Variants in PKNOX2 observed in about 807,000 individuals in gnomAD.
The protein encoded by PKNOX2 is homeobox protein PKNOX2.
PKNOX2 carries 14 observed loss-of-function variants against 53.1 expected under a neutral mutation model. The observed-to-expected ratio is 0.26, with a 90% CI of 0.17 to 0.41. PKNOX2 has a LOEUF of 0.41. PKNOX2 is among the 10% of genes least tolerant of loss of function. The pLI, the probability that PKNOX2 is intolerant of heterozygous loss-of-function variation, is 1.00. For synonymous variants in PKNOX2, 257 were observed against 242.8 expected, an observed-to-expected ratio of 1.06 and a Z score of -0.54; for missense variants, 496 against 602.8, an observed-to-expected ratio of 0.82 and a Z score of 1.85.
intron 1 of PKNOX2, among the ~76,000 whole-genome samples, chr11:125,189,511 G>A (rs1487169915): frequency 6.3e-5 from 8 of 126,454 alleles, no homozygotes; most frequent in African/African-American, 2.4e-4. Context: ...GGAGAGAGGG[G>A]TAGCCCTGCC....
chr11:125,279,439 C>T lies in PKNOX2; in HGVS notation c.-130+44324C>T, dbSNP rs943687065. ...GAGAAGTATTTTAATTCACTGGCCT[C>T]GCATGTCAGATGAGGAAAATGAGGC... On this transcript the variant is annotated intron_variant, in intron 2 of 12. Coordinates refer to ENST00000298282, the MANE Select transcript of PKNOX2 (RefSeq NM_001382323.2). Among the ~76,000 whole-genome samples the T allele has an allele frequency of 3.3e-5, 5 of 152,184 alleles. No homozygotes were observed. The East Asian group carries it at 9.6e-4, about 29-fold the overall frequency.
At position 125,193,203 on chromosome 11, in the gene PKNOX2, AG is replaced by A. The variant is rs1172644209; in HGVS notation, c.-201+28428del. 2.0e-5 allele frequency among the ~76,000 whole-genome samples: 3 copies of A among 152,232 alleles called. No individual in the cohort carries two copies. In the East Asian group the frequency reaches 5.8e-4, roughly 29 times the overall value. ...AAGCTTACAAGACCAGTTTTAGAAT[AG>A]CAATTACCAGTTCCAATATCCCCCA... On this transcript the variant is annotated intron_variant, in intron 1 of 12. Coordinates refer to ENST00000298282, the MANE Select transcript of PKNOX2 (RefSeq NM_001382323.2).
chr11:125,274,488 C>T (rs950363181), intron 2 of PKNOX2, among the ~76,000 whole-genome samples: 2 of 152,236 alleles, frequency 1.3e-5, no homozygotes, highest in Non-Finnish European at 2.9e-5. Flanking sequence ...GACAGCAACT[C>T]ATGAAACCGT....
chr11:125,226,661 T>C (rs1187505207), intron 1 of PKNOX2, among the ~76,000 whole-genome samples: 1 of 152,126 alleles, frequency 6.6e-6, no homozygotes, highest in East Asian at 1.9e-4. Flanking sequence ...TTAGATTTCC[T>C]GCTTATCGTT....
At chr11:125,233,720 T>C (rs1296955340) in intron 1 of PKNOX2, among the ~76,000 whole-genome samples, 1 of 152,158 alleles carries the variant, frequency 6.6e-6, no homozygotes, top group Non-Finnish European at 1.5e-5. Flanking sequence ...GAGAGAAAAT[T>C]TGGTTTCCTC....
intron 1 of PKNOX2, among the ~76,000 whole-genome samples, chr11:125,194,543 G>A (rs189520200): frequency 7.1e-4 from 107 of 151,508 alleles, no homozygotes; most frequent in Non-Finnish European, 1.0e-3. Context: ...TGGCCCTCCT[G>A]CCCCCGAGTT....
intron 5 of PKNOX2, among the ~76,000 whole-genome samples, chr11:125,383,445 TAAAA>T (rs551704955): frequency 1.4e-4 from 17 of 121,828 alleles, no homozygotes; most frequent in East Asian, 4.7e-4. Context: ...CCCTCTCTGC[TAAAA>T]AAAAAAAAAA....
intron 3 of PKNOX2, among the ~76,000 whole-genome samples, chr11:125,341,835 G>C (rs1356776014): frequency 6.6e-6 from 1 of 152,262 alleles, no homozygotes; most frequent in Non-Finnish European, 1.5e-5. Flanking sequence ...GCCGCGCCAC[G>C]TCCTCTCGCA....
intron 5 of PKNOX2, among the ~76,000 whole-genome samples, chr11:125,376,309 A>C (rs1028649286): frequency 7.2e-5 from 11 of 152,208 alleles, no homozygotes; most frequent in Non-Finnish European, 1.5e-4. Flanking sequence ...GGCAGGACTA[A>C]AAATACACCC....
chr11:125,293,113 A>G (rs1947412996), intron 2 of PKNOX2, among the ~76,000 whole-genome samples: 1 of 152,158 alleles, frequency 6.6e-6, no homozygotes, highest in Non-Finnish European at 1.5e-5. Context: ...GCAGACATAC[A>G]AATTATAACA....
At chr11:125,277,929 G>C (rs1946285465) in intron 2 of PKNOX2, among the ~76,000 whole-genome samples, 1 of 152,022 alleles carries the variant, frequency 6.6e-6, no homozygotes, top group Admixed American at 6.6e-5. Flanking sequence ...TTTTTTTAAA[G>C]AGACTAGCTG....
At chr11:125,245,788 G>A (rs1591494420) in intron 2 of PKNOX2, among the ~76,000 whole-genome samples, 1 of 152,182 alleles carries the variant, frequency 6.6e-6, no homozygotes, top group Non-Finnish European at 1.5e-5. Context: ...GACCTTAGTG[G>A]TTACTGAGTT....
intron 2 of PKNOX2, among the ~76,000 whole-genome samples, chr11:125,276,749 G>A (rs1439323283): frequency 1.3e-5 from 2 of 152,230 alleles, no homozygotes; most frequent in African/African-American, 4.8e-5. Context: ...ATTTTCTAGG[G>A]AAATGTGGTA....
At chr11:125,318,273 ATTT>A (rs906412845) in intron 2 of PKNOX2, among the ~76,000 whole-genome samples, 4 of 133,412 alleles carry the variant, frequency 3.0e-5, no homozygotes, top group African/African-American at 8.6e-5. Context: ...TGCCTGGCTA[ATTT>A]TTTTTTTTTT....
At chr11:125,311,324 A>G (rs1214249433) in intron 2 of PKNOX2, among the ~76,000 whole-genome samples, 1 of 152,154 alleles carries the variant, frequency 6.6e-6, no homozygotes, top group Non-Finnish European at 1.5e-5. Flanking sequence ...CAACCCCACC[A>G]ATATTTTTTT....
chr11:125,392,072 C>T (rs1247012302), intron 6 of PKNOX2, among the ~76,000 whole-genome samples: 1 of 152,182 alleles, frequency 6.6e-6, no homozygotes, highest in Non-Finnish European at 1.5e-5. Context: ...TATTTTTTCA[C>T]TGGCTGGACG....
intron 4 of PKNOX2, 34 bp from the exon 5 acceptor site, chr11:125,367,812 C>A (rs1952272048): frequency 3.1e-6 from 5 of 1,598,850 alleles, no homozygotes; most frequent in Non-Finnish European, 4.3e-6. Flanking sequence ...CCTGGCCATG[C>A]TAACCCACCA....
At chr11:125,167,977 T>A (rs2135170595) in intron 1 of PKNOX2, among the ~76,000 whole-genome samples, 1 of 152,348 alleles carries the variant, frequency 6.6e-6, no homozygotes, top group Non-Finnish European at 1.5e-5. Context: ...GGGCTTTCAC[T>A]GAGTCTGCCT....
chr11:125,361,930 A>AC (rs1444543453), intron 4 of PKNOX2, among the ~76,000 whole-genome samples: 1 of 152,162 alleles, frequency 6.6e-6, no homozygotes, highest in Non-Finnish European at 1.5e-5. Flanking sequence ...AGGGAATTTG[A>AC]CCCAGCAGTG....
Sources: gnomAD v4.1 joint callset for allele counts (sites outside exome capture counted in the v4.1 genomes callset) on GRCh38, gnomAD v4.1.1 for gene constraint, MANE v1.5 for transcripts, NCBI Gene and HGNC (gene_info 2026-07-23, HGNC 2026-07-21) for gene names.